KLF12: variants seen among roughly 807,000 people sequenced by gnomAD.
KLF12 encodes the protein Krueppel-like factor 12.
A neutral mutation model predicts 37.8 loss-of-function variants in KLF12; 9 were observed. That is an observed-to-expected ratio of 0.24 (90% CI 0.14 to 0.42). KLF12 has a LOEUF of 0.42. KLF12 is among the 10% of genes least tolerant of loss of function. KLF12 has a pLI of 1.00. For synonymous variants in KLF12, 208 were observed against 202.1 expected (o/e 1.03, Z -0.25); for missense variants, 411 against 516.0 (o/e 0.80, Z 1.97).
chr13:74,033,992 T>C (rs1054568599), intron 1 of KLF12, among the ~76,000 whole-genome samples: 1 of 152,130 alleles, frequency 6.6e-6, no homozygotes, highest in East Asian at 1.9e-4. Flanking sequence ...TTATATTTCT[T>C]GGACTACCAG....
At position 73,686,612 on chromosome 13, in the gene KLF12, C is replaced by T. The variant is rs1343781201; in HGVS notation, c.*8878G>A. 1 of 152,578 alleles carries T rather than the reference C, an allele frequency of 6.6e-6. No individual in the cohort carries two copies. Among genetic ancestry groups the T allele is most frequent in the Admixed American group, 6.5e-5 (1 of 15,286 alleles). The allele number at this position is 152,578 out of a possible 1,614,324, so 9.5% of individuals were successfully genotyped here. On this transcript the variant is annotated 3_prime_UTR_variant, in exon 8 of 8. Coordinates refer to ENST00000377669, the MANE Select transcript of KLF12 (RefSeq NM_007249.5). The stretch of plus-strand genomic sequence containing the variant: ...CAAATGAAGATTTAAGAACTCAACA[C>T]ATTTGCTTGCCAGCATCACTGGGGG...
At chr13:73,933,948 C>CT (rs1161050827) in intron 3 of KLF12, among the ~76,000 whole-genome samples, 14 of 152,060 alleles carry the variant, frequency 9.2e-5, no homozygotes, top group African/African-American at 3.1e-4. Context: ...ATGTCTAGAG[C>CT]TTTTTTCATC....
intron 2 of KLF12, chr13:73,960,477 G>T: frequency 4.6e-6 from 1 of 215,768 alleles, no homozygotes; most frequent in Non-Finnish European, 1.0e-5. Flanking sequence ...GAGTCAAGTG[G>T]GCTAAAAAAA....
chr13:74,285,109 G>A, the KLF12 span, among the ~76,000 whole-genome samples: 5 of 152,042 alleles, frequency 3.3e-5, no homozygotes, highest in East Asian at 7.7e-4. Flanking sequence ...TTTCTTGTGG[G>A]CATGTGAAAT....
At chr13:74,073,572 G>GGTGGCCACACAGAAGCTCCATTGGT (rs1375347264) in intron 1 of KLF12, among the ~76,000 whole-genome samples, 2 of 152,114 alleles carry the variant, frequency 1.3e-5, no homozygotes, top group Admixed American at 1.3e-4. Flanking sequence ...TTGTTCTAGT[G>GGTGGCCACACAGAAGCTCCATTGGT]GTGGCCACAC....
At chr13:74,098,169 T>C (rs1485229992) in intron 1 of KLF12, among the ~76,000 whole-genome samples, 1 of 152,174 alleles carries the variant, frequency 6.6e-6, no homozygotes, top group Admixed American at 6.5e-5. Flanking sequence ...TAAAGTCAAT[T>C]CAGATTTTCT....
intron 4 of KLF12, among the ~76,000 whole-genome samples, chr13:73,833,232 A>G (rs1018720141): frequency 6.6e-6 from 1 of 152,212 alleles, no homozygotes; most frequent in Non-Finnish European, 1.5e-5. Flanking sequence ...AAAAGAATAA[A>G]TAAGAACTGA....
Position 74,133,847 on chromosome 13 carries a change from ACACTCG to A in KLF12, c.-146_-141del, listed in dbSNP as rs1878413245. Among the ~76,000 whole-genome samples the A allele has an allele frequency of 6.6e-6, 1 of 150,694 alleles. No homozygotes were observed. Among genetic ancestry groups the A allele is most frequent in the Non-Finnish European group, 1.5e-5 (1 of 67,560 alleles). ...CACGCGCGCGCGCACACACACACACACACTCGCACACACACGGCGTCACCCGCGCAC... is the reference window on the plus strand; with the variant it reads ...CACGCGCGCGCGCACACACACACACACACACACACGGCGTCACCCGCGCAC... On this transcript the variant is annotated 5_prime_UTR_variant, in exon 1 of 8. Transcript: ENST00000377669.
intron 1 of KLF12, among the ~76,000 whole-genome samples, chr13:74,015,346 T>C (rs1892660247): frequency 6.6e-6 from 1 of 152,190 alleles, no homozygotes; most frequent in Non-Finnish European, 1.5e-5. Context: ...AGACCTATTT[T>C]CTTCTAATAT....
the KLF12 span, among the ~76,000 whole-genome samples, chr13:74,156,603 C>T: frequency 3.3e-5 from 5 of 149,636 alleles, no homozygotes; most frequent in African/African-American, 1.2e-4. Context: ...CATTAGCCAT[C>T]CCCACGCCCA....
chr13:74,148,070 C>T, the KLF12 span, among the ~76,000 whole-genome samples: 5 of 152,074 alleles, frequency 3.3e-5, no homozygotes, highest in African/African-American at 1.2e-4. Context: ...TACCACCACA[C>T]CCAGCTAATT....
intron 1 of KLF12, among the ~76,000 whole-genome samples, chr13:74,075,106 A>AAAGGAAAGGAAGAAAGGGACAAGAAGG (rs1874491775): frequency 6.6e-6 from 1 of 152,224 alleles, no homozygotes; most frequent in Non-Finnish European, 1.5e-5. Context: ...GGAAGGAATA[A>AAAGGAAAGGAAGAAAGGGACAAGAAGG]AAGGAAAGGA....
intron 2 of KLF12, among the ~76,000 whole-genome samples, chr13:73,973,858 C>G (rs1298880460): frequency 6.6e-6 from 1 of 152,004 alleles, no homozygotes; most frequent in Non-Finnish European, 1.5e-5. Flanking sequence ...AAGTGATTAT[C>G]AACGAATGGG....
At chr13:74,138,385 T>G (rs954967570), upstream of KLF12, among the ~76,000 whole-genome samples, 2 of 152,214 alleles carry the variant, frequency 1.3e-5, no homozygotes, top group Admixed American at 6.5e-5. Flanking sequence ...AGCCTCTATT[T>G]TTCATATGTC....
chr13:74,270,533 G>A, the KLF12 span, among the ~76,000 whole-genome samples: 4 of 152,190 alleles, frequency 2.6e-5, no homozygotes, highest in African/African-American at 9.7e-5. Context: ...TGAGGACACG[G>A]AAGCTTTGTG....
intron 5 of KLF12, among the ~76,000 whole-genome samples, chr13:73,771,553 G>A (rs1880274865): frequency 6.6e-6 from 1 of 152,200 alleles, no homozygotes; most frequent in African/African-American, 2.4e-5. Flanking sequence ...CAATCTCAGT[G>A]AATTTACTGA....
At chr13:73,722,178 T>C (rs568069038) in intron 6 of KLF12, among the ~76,000 whole-genome samples, 2 of 152,282 alleles carry the variant, frequency 1.3e-5, no homozygotes, top group East Asian at 1.9e-4. Context: ...TACCTGTAGG[T>C]AGAATGACTT....
At chr13:73,718,920 GA>G (rs1445918538) in intron 6 of KLF12, among the ~76,000 whole-genome samples, 7 of 152,004 alleles carry the variant, frequency 4.6e-5, no homozygotes, top group African/African-American at 1.2e-4. Flanking sequence ...AAATGTTTTA[GA>G]ACATTATAAA....
intron 7 of KLF12, among the ~76,000 whole-genome samples, chr13:73,699,381 G>A (rs992984130): frequency 5.9e-5 from 9 of 151,638 alleles, no homozygotes; most frequent in African/African-American, 1.2e-4. Flanking sequence ...GCAAGACCCC[G>A]CCTCCAAAAT....
Sources: gnomAD v4.1 joint callset for allele counts (sites outside exome capture counted in the v4.1 genomes callset) on GRCh38, gnomAD v4.1.1 for gene constraint, MANE v1.5 for transcripts, NCBI Gene and HGNC (gene_info 2026-07-23, HGNC 2026-07-21) for gene names.